PREPL: variants seen among roughly 807,000 people sequenced by gnomAD.
The protein encoded by PREPL is prolyl endopeptidase like, also known as prolyl endopeptidase-like.
Under a neutral mutation model 70.6 loss-of-function variants are expected in PREPL, and 77 were observed. That is an observed-to-expected ratio of 1.09 (90% CI 0.91 to 1.32). PREPL has a LOEUF of 1.32. Among genes scored for constraint, PREPL ranks in the 40% most tolerant of loss-of-function variants. The pLI, the probability that PREPL is intolerant of heterozygous loss-of-function variation, is 0.00. For synonymous variants in PREPL, 315 were observed against 264.8 expected (o/e 1.19, Z -1.84); for missense variants, 1,002 against 778.2 (o/e 1.29, Z -3.42).
At chr2:44,347,572 C>A (rs933864838) in intron 1 of PREPL, among the ~76,000 whole-genome samples, 4 of 152,184 alleles carry the variant, frequency 2.6e-5, no homozygotes, top group African/African-American at 9.6e-5. Context: ...TCATATAAAT[C>A]ATTACAATTT....
At chr2:44,334,427 T>C (rs541348108) in intron 7 of PREPL, among the ~76,000 whole-genome samples, 2 of 152,290 alleles carry the variant, frequency 1.3e-5, no homozygotes, top group East Asian at 3.9e-4. Flanking sequence ...TGGCCTAAAT[T>C]AAATATCATA....
intron 8 of PREPL, among the ~76,000 whole-genome samples, chr2:44,332,064 A>G (rs994060168): frequency 6.6e-6 from 1 of 150,388 alleles, no homozygotes; most frequent in African/African-American, 2.5e-5. Flanking sequence ...CTCCTGCCTC[A>G]GCCTCCCAAG....
At chr2:44,353,125 T>C (rs1397297492) in intron 1 of PREPL, among the ~76,000 whole-genome samples, 1 of 152,088 alleles carries the variant, frequency 6.6e-6, no homozygotes, top group Non-Finnish European at 1.5e-5. Flanking sequence ...GATTTTGTAT[T>C]AGGGATGGTC....
intron 5 of PREPL, among the ~76,000 whole-genome samples, 182 bp downstream of exon 5, chr2:44,342,235 T>C (rs1675304527): frequency 6.6e-6 from 1 of 152,202 alleles, no homozygotes. Context: ...CTGTATTTAC[T>C]CTGATTTTGA....
At position 44,319,111 on chromosome 2, in the gene PREPL, T is replaced by G. The variant is rs1672699388; in HGVS notation, c.*2245A>C. 6.6e-6 allele frequency: 1 copy of G among 152,624 alleles called. No homozygotes were observed. The highest frequency in any genetic ancestry group is 2.4e-5 in the African/African-American group (1 of 41,460). The allele number at this position is 152,624 out of a possible 1,614,324, so 9.5% of individuals were successfully genotyped here. A position where few individuals can be genotyped will look rare whatever the true frequency, so the allele number is the denominator to read the frequency against. ...ACAAGTCATACATGTATCATAAATATCTTTGTACCTGACAAACAGAATAAA... is the reference window on the plus strand; with the variant it reads ...ACAAGTCATACATGTATCATAAATAGCTTTGTACCTGACAAACAGAATAAA... On this transcript the variant is annotated 3_prime_UTR_variant, in exon 14 of 14. Transcript: ENST00000409411.
intron 1 of PREPL, among the ~76,000 whole-genome samples, chr2:44,349,663 T>G (rs1676194471): frequency 6.6e-6 from 1 of 151,904 alleles, no homozygotes; most frequent in Non-Finnish European, 1.5e-5. Flanking sequence ...ATCACAAAAC[T>G]GATAGAAAAA....
intron 10 of PREPL, among the ~76,000 whole-genome samples, chr2:44,325,210 G>C (rs934255598): frequency 1.1e-4 from 16 of 152,100 alleles, no homozygotes; most frequent in Middle Eastern, 3.2e-3. Context: ...GTGTGACTTG[G>C]GTCTATCAAC....
intron 12 of PREPL, 118 bp from the exon 13 acceptor site, chr2:44,322,018 A>G: frequency 9.2e-7 from 1 of 1,081,670 alleles, no homozygotes; most frequent in South Asian, 1.8e-5. Context: ...AAAGGAATAA[A>G]AAGCAAAAAC....
At chr2:44,346,063 T>A (rs997203799) in intron 2 of PREPL, among the ~76,000 whole-genome samples, 4 of 152,146 alleles carry the variant, frequency 2.6e-5, no homozygotes, top group African/African-American at 9.7e-5. Context: ...TTACTTTCGA[T>A]CTTTACATTT....
At chr2:44,345,590 T>G (rs555571189) in intron 2 of PREPL, among the ~76,000 whole-genome samples, 2 of 152,208 alleles carry the variant, frequency 1.3e-5, no homozygotes, top group East Asian at 3.9e-4. Context: ...TCAGGTGATC[T>G]GCCCACCTTG....
Position 44,322,796 on chromosome 2 carries a change from C to T in PREPL, c.1688G>A (p.Gly563Glu), listed in dbSNP as rs369061543. The change falls in exon 12 of 14, where the codon GGA becomes GAA. Residue 563 changes from glycine to glutamate, a missense_variant. Transcript: ENST00000409411. ...GAGTTTCTCAGTATAACTTACAATT[C>T]CTTTCAGAGGTACCCGTTCATCGTT... Reference protein sequence around the residue: ...YENDERVPLKGIVSYTEKLKE... With the variant: ...YENDERVPLKEIVSYTEKLKE... 9.3e-6 allele frequency: 15 copies of T among 1,613,888 alleles called. No individual in the cohort carries two copies. The highest frequency in any genetic ancestry group is 1.6e-4 in the Middle Eastern group (1 of 6,062).
intron 8 of PREPL, 129 bp downstream of exon 8, chr2:44,332,330 G>T: frequency 1.4e-6 from 1 of 735,208 alleles, no homozygotes; most frequent in Non-Finnish European, 2.2e-6. Flanking sequence ...AAAGTCACTT[G>T]GGTATTACTG....
At chr2:44,357,045 A>G (rs1367636059) in intron 1 of PREPL, among the ~76,000 whole-genome samples, 2 of 152,204 alleles carry the variant, frequency 1.3e-5, no homozygotes, top group Non-Finnish European at 2.9e-5. Context: ...AGCTCGGACA[A>G]TCTGCTCGCC....
chr2:44,323,374 G>A lies in PREPL; in HGVS notation c.1517C>T (p.Thr506Ile), dbSNP rs761388712. Residue 506 changes from threonine to isoleucine, a missense_variant, in exon 11 of 14, where the codon ACT (threonine) becomes ATT (isoleucine). Thr to Ile is a moderately conservative substitution (Grantham distance 89). Transcript: ENST00000409411. ...FLDVLNTMMD[T>I]TLPLTLEELE... Reference sequence around the variant, plus strand: ...TTCTTCTAATGTCAGAGGAAGTGTAGTGTCCATCATGGTGTTGAGAACATC... The same window carrying A: ...TTCTTCTAATGTCAGAGGAAGTGTAATGTCCATCATGGTGTTGAGAACATC... 1 of 1,606,804 alleles carries A rather than the reference G, an allele frequency of 6.2e-7. No individual in the cohort carries two copies. Among genetic ancestry groups the A allele is most frequent in the Admixed American group, 1.7e-5 (1 of 59,670 alleles).
At chr2:44,354,426 G>A (rs1199764887) in intron 1 of PREPL, among the ~76,000 whole-genome samples, 1 of 152,154 alleles carries the variant, frequency 6.6e-6, no homozygotes, top group Non-Finnish European at 1.5e-5. Flanking sequence ...AAATGATGTA[G>A]TAATAGCAGA....
rs768693059 is a variant in PREPL, at chr2:44,338,309, A to T, written c.888+42T>A. ...TGTTCTGTTAAGCTAAACTGCATAA[A>T]TATTTTGATTAACAGTATTAACTTC... is the stretch of plus-strand genomic sequence containing the variant. On this transcript the variant is annotated intron_variant, in intron 7 of 13. Coordinates refer to ENST00000409411, the MANE Select transcript of PREPL (RefSeq NM_001171613.2). 2.6e-6 allele frequency: 4 copies of T among 1,526,900 alleles called. No homozygotes were observed. The African/African-American group carries it at 4.2e-5, about 16-fold the overall frequency. The allele number at this position is 1,526,900 out of a possible 1,614,324, so 94.6% of individuals were successfully genotyped here. A position where few individuals can be genotyped will look rare whatever the true frequency, so the allele number is the denominator to read the frequency against.
At chr2:44,357,072 C>T (rs1677127303) in intron 1 of PREPL, among the ~76,000 whole-genome samples, 1 of 152,224 alleles carries the variant, frequency 6.6e-6, no homozygotes, top group Admixed American at 6.5e-5. Flanking sequence ...TCCCAATGTT[C>T]TGGGATTACT....
chr2:44,320,117 T>C lies in PREPL; in HGVS notation c.*1239A>G. 4 of 1,270,328 alleles carry C rather than the reference T, an allele frequency of 3.1e-6. No individual in the cohort carries two copies. The highest frequency in any genetic ancestry group is 4.4e-6 in the Non-Finnish European group (4 of 911,850). 78.7% of individuals were successfully genotyped at this position (1,270,328 alleles called of 1,614,324 possible). ...AATTGGAGCAAGTGTTTTGGGTAAA[T>C]AACTCCTTACAATATATTAAAAATA... On this transcript the variant is annotated 3_prime_UTR_variant, in exon 14 of 14. Coordinates refer to ENST00000409411, the MANE Select transcript of PREPL (RefSeq NM_001171613.2).
chr2:44,321,968 T>C, intron 12 of PREPL, 68 bp from the exon 13 acceptor site: 1 of 1,456,732 alleles, frequency 6.9e-7, no homozygotes, highest in Non-Finnish European at 9.3e-7. Flanking sequence ...TCGAGACCCA[T>C]TCCTCCCCTC....
Sources: gnomAD v4.1 joint callset for allele counts (sites outside exome capture counted in the v4.1 genomes callset) on GRCh38, gnomAD v4.1.1 for gene constraint, MANE v1.5 for transcripts, NCBI Gene and HGNC (gene_info 2026-07-23, HGNC 2026-07-21) for gene names.